Variants in KRT86 observed in about 807,000 individuals in gnomAD.
KRT86 encodes the protein keratin 86.
Under a neutral mutation model 41.2 loss-of-function variants are expected in KRT86, and 30 were observed. That is an observed-to-expected ratio of 0.73 (90% CI 0.54 to 0.99). KRT86 has a LOEUF of 0.99. Ranked by LOEUF, KRT86 falls within the 50% of genes least tolerant of loss-of-function variation. The pLI is 0.00. For synonymous variants in KRT86, 238 were observed against 238.1 expected, an observed-to-expected ratio of 1.00 and a Z score of 0.00; for missense variants, 561 against 571.4, an observed-to-expected ratio of 0.98 and a Z score of 0.19.
intron 2 of KRT86, among the ~76,000 whole-genome samples, chr12:52,282,391 A>ACAC (rs2121208246): frequency 6.6e-6 from 1 of 151,638 alleles, no homozygotes; most frequent in African/African-American, 2.4e-5. Flanking sequence ...TGCCACCGTG[A>ACAC]TGGGCTAATT....
chr12:52,278,361 T>TG (rs1747167119), intron 2 of KRT86, among the ~76,000 whole-genome samples: 2 of 151,672 alleles, frequency 1.3e-5, no homozygotes, highest in African/African-American at 4.8e-5. Context: ...CTACCTGCTC[T>TG]GGGGTCTCCT....
intron 2 of KRT86, among the ~76,000 whole-genome samples, chr12:52,288,726 C>A (rs1414056273): frequency 6.6e-6 from 1 of 152,068 alleles, no homozygotes; most frequent in Non-Finnish European, 1.5e-5. Flanking sequence ...CTCCAGGAAG[C>A]CTGCCCAGAC....
intron 2 of KRT86, 157 bp from the exon 3 acceptor site, chr12:52,301,756 C>G: frequency 1.4e-6 from 2 of 1,456,232 alleles, no homozygotes; most frequent in Non-Finnish European, 1.9e-6. Flanking sequence ...AACCCAAGCC[C>G]ATAAAGCCTT....
chr12:52,299,962 C>A (rs899444757), intron 2 of KRT86, among the ~76,000 whole-genome samples: 4 of 152,108 alleles, frequency 2.6e-5, no homozygotes, highest in African/African-American at 9.7e-5. Flanking sequence ...ATCCCATTTG[C>A]CCATTTTTTG....
In KRT86 at chr12:52,308,412, A is replaced by C. The variant is rs1938567744; in HGVS notation, c.1288A>C (p.Ser430Arg). Residue 430 changes from serine to arginine, a missense_variant, in exon 11 of 11, where the codon AGC (serine) becomes CGC (arginine). Ser to Arg is a moderately radical substitution (Grantham distance 110). Coordinates refer to ENST00000423955, the MANE Select transcript of KRT86 (RefSeq NM_001320198.2). ...GVGSVNVCVS[S>R]SRGGVVCGDL... ...GTCTCTTTCCCCTGCAGGCGTCAGCAGCTCCCGCGGTGGCGTTGTCTGTGG... is the reference window on the plus strand; with the variant it reads ...GTCTCTTTCCCCTGCAGGCGTCAGCCGCTCCCGCGGTGGCGTTGTCTGTGG... The C allele has an allele frequency of 6.2e-7, 1 of 1,611,640 alleles. No homozygotes were observed. The highest frequency in any genetic ancestry group is 1.3e-5 in the African/African-American group (1 of 74,920).
At chr12:52,308,077 G>A (rs1938556941) in intron 9 of KRT86, 156 bp from the exon 10 acceptor site, 1 of 869,806 alleles carries the variant, frequency 1.1e-6, no homozygotes. Flanking sequence ...CCCTCACGGT[G>A]ACCCGAGTCT....
At chr12:52,298,288 T>C (rs561618688) in intron 2 of KRT86, among the ~76,000 whole-genome samples, 2 of 152,352 alleles carry the variant, frequency 1.3e-5, no homozygotes, top group Admixed American at 6.5e-5. Context: ...TCTCAGATCC[T>C]CTGCCCCTTG....
In KRT86 at chr12:52,308,479, G is replaced by A. The variant is rs1389790138; in HGVS notation, c.1355G>A (p.Arg452Lys). The A allele has an allele frequency of 1.2e-6, 2 of 1,610,670 alleles. No homozygotes were observed. The highest frequency in any genetic ancestry group is 1.7e-6 in the Non-Finnish European group (2 of 1,179,928). The change falls in exon 11 of 11, where the codon AGA becomes AAA. Residue 452 changes from arginine to lysine, a missense_variant. Coordinates refer to ENST00000423955, the MANE Select transcript of KRT86 (RefSeq NM_001320198.2). ...ACTACTGCCCCTGTTGTCTCCACCAGAGTCAGTAGCGTCCCCAGCAACAGC... is the reference window on the plus strand; with the variant it reads ...ACTACTGCCCCTGTTGTCTCCACCAAAGTCAGTAGCGTCCCCAGCAACAGC... Reference protein sequence around the residue: ...ASTTAPVVSTRVSSVPSNSNV... With the variant: ...ASTTAPVVSTKVSSVPSNSNV...
intron 7 of KRT86, 34 bp from the exon 8 acceptor site, chr12:52,305,629 C>T (rs922446630): frequency 6.2e-7 from 1 of 1,613,908 alleles, no homozygotes; most frequent in Non-Finnish European, 8.5e-7. Flanking sequence ...GGAGGTCCCA[C>T]CCTGAACCTC....
At chr12:52,276,963 A>T (rs1937647780) in intron 2 of KRT86, among the ~76,000 whole-genome samples, 1 of 152,114 alleles carries the variant, frequency 6.6e-6, no homozygotes, top group South Asian at 2.1e-4. Context: ...TGACTCTGAG[A>T]AGGGATAAGC....
chr12:52,300,755 T>A (rs2121291683), intron 2 of KRT86, among the ~76,000 whole-genome samples: 1 of 152,354 alleles, frequency 6.6e-6, no homozygotes, highest in South Asian at 2.1e-4. Context: ...AGGGGCTGGA[T>A]GCTCTCCTCA....
At position 52,302,096 on chromosome 12, in the gene KRT86, A is replaced by G; in HGVS notation, c.180A>G (p.Gly60=). The change falls in exon 3 of 11, where the codon GGA becomes GGG. Residue 60 remains glycine (G), a synonymous_variant. Coordinates refer to ENST00000423955, the MANE Select transcript of KRT86 (RefSeq NM_001320198.2). ...GAGGCTTTCGGGCCGGCTCCTGCGG[A>G]CGCAGCTTCGGCTACCGCTCCGGGG... ...VCGGFRAGSC[G]RSFGYRSGGV... 1.3e-6 allele frequency: 2 copies of G among 1,576,552 alleles called. No individual in the cohort carries two copies. Among genetic ancestry groups the G allele is most frequent in the Middle Eastern group, 2.1e-4 (1 of 4,654 alleles).
chr12:52,307,585 C>T (rs1031814149), intron 9 of KRT86, among the ~76,000 whole-genome samples: 3 of 152,206 alleles, frequency 2.0e-5, no homozygotes, highest in Admixed American at 6.5e-5. Context: ...GGTGACAGCC[C>T]TGCCTTGTCA....
chr12:52,280,022 T>C (rs1666531651), intron 2 of KRT86, among the ~76,000 whole-genome samples: 1 of 152,162 alleles, frequency 6.6e-6, no homozygotes, highest in African/African-American at 2.4e-5. Context: ...GTGCCTTCTA[T>C]CACCCTGATG....
chr12:52,283,389 TCA>T (rs1937823081), intron 2 of KRT86, among the ~76,000 whole-genome samples: 1 of 46,696 alleles, frequency 2.1e-5, no homozygotes, highest in Non-Finnish European at 3.5e-5. Context: ...TGAAACTGTC[TCA>T]CAAAAAAAAA....
intron 2 of KRT86, chr12:52,288,473 T>A: frequency 6.2e-7 from 1 of 1,613,608 alleles, no homozygotes; most frequent in Non-Finnish European, 8.5e-7. Flanking sequence ...AGGTGGGGAG[T>A]GTTGGAGCTC....
intron 5 of KRT86, 61 bp from the exon 6 acceptor site, chr12:52,304,871 A>C: frequency 6.4e-7 from 1 of 1,554,530 alleles, no homozygotes; most frequent in Non-Finnish European, 8.9e-7. Flanking sequence ...GTGGGAAGAG[A>C]GAGGAATCTA....
chr12:52,305,263 C>T lies in KRT86; in HGVS notation c.759C>T (p.His253=), dbSNP rs1421110283. 6.2e-7 allele frequency: 1 copy of T among 1,614,214 alleles called. No individual in the cohort carries two copies. The highest frequency in any genetic ancestry group is 1.7e-5 in the Admixed American group (1 of 60,030). Residue 253 remains histidine, a synonymous_variant, in exon 7 of 11, where the codon CAC becomes CAT. Transcript: ENST00000423955. ...AGGAGATCCGCGTTCTCCAGTCCCA[C>T]ATCTCAGACACCTCCGTGGTTGTCA... The part of the protein sequence containing the change: ...YEEEIRVLQS[H]ISDTSVVVKL...
chr12:52,276,304 C>A (rs1942558423), intron 2 of KRT86, among the ~76,000 whole-genome samples: 1 of 152,120 alleles, frequency 6.6e-6, no homozygotes, highest in African/African-American at 2.4e-5. Flanking sequence ...CCTAGAAACC[C>A]AGTTTTCTGG....
Sources: gnomAD v4.1 joint callset for allele counts (sites outside exome capture counted in the v4.1 genomes callset) on GRCh38, gnomAD v4.1.1 for gene constraint, MANE v1.5 for transcripts, NCBI Gene and HGNC (gene_info 2026-07-23, HGNC 2026-07-21) for gene names.